Variants in EPHB2 observed in about 807,000 individuals in gnomAD.
EPHB2 encodes the protein EPH receptor B2.
In EPHB2, 18 loss-of-function variants were observed where a neutral mutation model predicts 96.4. The ratio of observed to expected loss-of-function variants is 0.19; its 90% CI spans 0.13 to 0.28. The LOEUF is 0.28. EPHB2 is among the 10% of genes least tolerant of loss of function. EPHB2 has a pLI of 1.00. For missense variants in EPHB2, 989 were observed against 1,355.4 expected, an observed-to-expected ratio of 0.73 and a Z score of 4.25; for synonymous variants, 506 against 534.1, an observed-to-expected ratio of 0.95 and a Z score of 0.72.
chr1:22,716,851 C>T lies in EPHB2; in HGVS notation c.61+5808C>T, dbSNP rs115473948. Among the ~76,000 whole-genome samples, 1,116 of 152,276 alleles carry T rather than the reference C, an allele frequency of 7.3e-3. 13 individuals are homozygous for T. The highest frequency in any genetic ancestry group is 0.013 in the Non-Finnish European group (883 of 68,018). ...GGACCCATGCTCCCACTGAGGGTGG[C>T]GGAGATGCAGAGCACGGTGGGCCTC... is the stretch of plus-strand genomic sequence containing the variant. On this transcript the variant is annotated intron_variant, in intron 1 of 15. Coordinates refer to ENST00000374630, the MANE Select transcript of EPHB2 (RefSeq NM_017449.5).
At chr1:22,854,066 G>T (rs1271277023) in intron 3 of EPHB2, among the ~76,000 whole-genome samples, 2 of 152,212 alleles carry the variant, frequency 1.3e-5, no homozygotes, top group Non-Finnish European at 2.9e-5. Flanking sequence ...CCCAGTGGGA[G>T]CTACCGGCCC....
chr1:22,903,979 A>G (rs1032347336), intron 9 of EPHB2, among the ~76,000 whole-genome samples: 1 of 152,220 alleles, frequency 6.6e-6, no homozygotes, highest in African/African-American at 2.4e-5. Flanking sequence ...ATATACATGT[A>G]TAAAATTATT....
In EPHB2 at chr1:22,807,334, C is replaced by G. The variant is rs1395126811; in HGVS notation, c.811+22258C>G. Among the ~76,000 whole-genome samples the G allele has an allele frequency of 4.6e-5, 7 of 152,292 alleles. No homozygotes were observed. The East Asian group carries it at 1.2e-3, about 25-fold the overall frequency. On this transcript the variant is annotated intron_variant, in intron 3 of 15. Transcript: ENST00000374630. ...TGTATGTTAGGGCGCTTGCTAGACT[C>G]TGGCTCTACACACCATCATTCTGAA...
intron 3 of EPHB2, among the ~76,000 whole-genome samples, 182 bp downstream of exon 3, chr1:22,785,258 G>A (rs1173560003): frequency 6.6e-6 from 1 of 152,212 alleles, no homozygotes; most frequent in Non-Finnish European, 1.5e-5. Context: ...CTTGAATATA[G>A]CACTTTCTGA....
At chr1:22,748,963 C>G (rs1243844861) in intron 1 of EPHB2, among the ~76,000 whole-genome samples, 1 of 150,584 alleles carries the variant, frequency 6.6e-6, no homozygotes, top group African/African-American at 2.4e-5. Flanking sequence ...CATGGGCCCT[C>G]TTGTCTGTGA....
intron 3 of EPHB2, among the ~76,000 whole-genome samples, chr1:22,811,698 A>C (rs1021098677): frequency 6.6e-6 from 1 of 152,186 alleles, no homozygotes; most frequent in African/African-American, 2.4e-5. Context: ...GACCATGTAC[A>C]GGAGGCAGAG....
intron 3 of EPHB2, among the ~76,000 whole-genome samples, chr1:22,862,770 A>G (rs1165897103): frequency 6.6e-6 from 1 of 152,184 alleles, no homozygotes. Context: ...TCTAGAGACC[A>G]TGACACAGCC....
At chr1:22,800,653 G>A (rs544735320) in intron 3 of EPHB2, among the ~76,000 whole-genome samples, 2 of 152,302 alleles carry the variant, frequency 1.3e-5, no homozygotes, top group South Asian at 2.1e-4. Flanking sequence ...CCAGATGTAC[G>A]TGAAAATGGG....
chr1:22,724,285 A>G (rs928147982), intron 1 of EPHB2, among the ~76,000 whole-genome samples: 11 of 152,070 alleles, frequency 7.2e-5, no homozygotes, highest in African/African-American at 2.4e-4. Context: ...ATTTTTTCTG[A>G]ACCATTTGTA....
intron 1 of EPHB2, among the ~76,000 whole-genome samples, chr1:22,720,406 C>G (rs1258396504): frequency 2.0e-5 from 3 of 152,234 alleles, no homozygotes; most frequent in African/African-American, 7.2e-5. Context: ...TCCCACTCAA[C>G]ATGTCCTGAC....
chr1:22,912,892 G>A (rs1254357195), intron 15 of EPHB2: 3 of 428,944 alleles, frequency 7.0e-6, no homozygotes. Flanking sequence ...GGAAGCGGGT[G>A]CTTAGAAAAT....
At chr1:22,744,429 G>GTA (rs536230564) in intron 1 of EPHB2, among the ~76,000 whole-genome samples, 2,602 of 147,762 alleles carry the variant, frequency 0.018, 43 homozygotes, top group African/African-American at 0.037. Flanking sequence ...TTTGTATGTT[G>GTA]TATATATATA....
intron 7 of EPHB2, 77 bp downstream of exon 7, chr1:22,893,123 A>G: frequency 6.2e-7 from 1 of 1,609,726 alleles, no homozygotes; most frequent in Non-Finnish European, 8.5e-7. Flanking sequence ...CATTCTCATG[A>G]AGCACCTTTG....
At position 22,862,419 on chromosome 1, in the gene EPHB2, C is replaced by CA. The variant is rs1438118108; in HGVS notation, c.812-618_812-617insA. 4.1e-3 allele frequency among the ~76,000 whole-genome samples: 623 copies of CA among 152,320 alleles called. 2 individuals are homozygous for CA. The highest frequency in any genetic ancestry group is 0.024 in the Middle Eastern group (7 of 294). ...CTTAAGCAGAATACTCACAATGACC[C>CA]TGCAGAGATGGGCCTTAGAATCCTA... is the stretch of plus-strand genomic sequence containing the variant. On this transcript the variant is annotated intron_variant, in intron 3 of 15. Coordinates refer to ENST00000374630, the MANE Select transcript of EPHB2 (RefSeq NM_017449.5).
At chr1:22,746,011 G>A (rs1643969611) in intron 1 of EPHB2, among the ~76,000 whole-genome samples, 1 of 152,182 alleles carries the variant, frequency 6.6e-6, no homozygotes, top group Non-Finnish European at 1.5e-5. Context: ...AGCAAGGTTT[G>A]GTGAGAAAGA....
chr1:22,893,180 C>T (rs1639448824), intron 7 of EPHB2, 134 bp downstream of exon 7: 3 of 1,388,068 alleles, frequency 2.2e-6, no homozygotes, highest in Non-Finnish European at 3.0e-6. Flanking sequence ...CCCTCCCTCC[C>T]TCCTAATTTC....
rs548749881 is a variant in EPHB2 at position 22,890,329 on chromosome 1, G to A, written c.1429-2555G>A. Among the ~76,000 whole-genome samples, 15 of 152,282 alleles carry A rather than the reference G, an allele frequency of 9.9e-5. No homozygotes were observed. In the East Asian group the frequency reaches 2.7e-3, roughly 27 times the overall value. ...GCTGGGATGTCAAGGAGGCTTCCTG[G>A]AGGAGGAGGCAGATGATCTGGCTTG... is the stretch of plus-strand genomic sequence containing the variant. On this transcript the variant is annotated intron_variant, in intron 6 of 15. Transcript: ENST00000374630.
At chr1:22,834,701 G>A (rs1419569602) in intron 3 of EPHB2, among the ~76,000 whole-genome samples, 1 of 152,032 alleles carries the variant, frequency 6.6e-6, no homozygotes, top group African/African-American at 2.4e-5. Flanking sequence ...GAGGTGGGCG[G>A]ATCACTTGAG....
intron 1 of EPHB2, among the ~76,000 whole-genome samples, chr1:22,780,164 C>A (rs1243557753): frequency 3.3e-5 from 5 of 152,178 alleles, no homozygotes; most frequent in African/African-American, 7.2e-5. Context: ...TATTGCAATT[C>A]CATTCAGAAA....
Sources: gnomAD v4.1 joint callset for allele counts (sites outside exome capture counted in the v4.1 genomes callset) on GRCh38, gnomAD v4.1.1 for gene constraint, MANE v1.5 for transcripts, NCBI Gene and HGNC (gene_info 2026-07-23, HGNC 2026-07-21) for gene names.